MSH5: variants seen among roughly 807,000 people sequenced by gnomAD.
The protein encoded by MSH5 is mutS homolog 5.
A neutral mutation model predicts 107.7 loss-of-function variants in MSH5; 78 were observed. That is an observed-to-expected ratio of 0.72 (90% CI 0.60 to 0.87). The LOEUF is 0.87. MSH5 is among the 40% of genes least tolerant of loss of function. MSH5 has a pLI of 0.00. For missense variants in MSH5, 889 were observed against 1,046.6 expected, an observed-to-expected ratio of 0.85 and a Z score of 2.08; for synonymous variants, 326 against 399.5, an observed-to-expected ratio of 0.82 and a Z score of 2.19.
intron 5 of MSH5, 80 bp downstream of exon 5, chr6:31,743,250 G>A: frequency 1.4e-6 from 2 of 1,436,442 alleles, no homozygotes; most frequent in Non-Finnish European, 2.0e-6. Flanking sequence ...CATCATCACA[G>A]ATCTCCCCTC....
In MSH5 at chr6:31,753,419, G is replaced by A. The variant is rs767954064; in HGVS notation, c.931G>A (p.Gly311Ser). ...GGCTCAGATGCTGCATCGGCTCCTG[G>A]GTCACATCAAGAACGTGCCTGTGAG... ...DMAQMLHRLLGHIKNVPLILK... is the reference protein window; with the variant it reads ...DMAQMLHRLLSHIKNVPLILK... Residue 311 changes from glycine (G) to serine (S), a missense_variant, in exon 11 of 25, where the codon GGT (glycine) becomes AGT (serine). This residue lies in a region of MSH5 where 518 missense variants were observed against 565.0 expected (regional missense o/e 0.92). Coordinates refer to ENST00000375750, the MANE Select transcript of MSH5 (RefSeq NM_172166.4). 12 of 1,614,090 alleles carry A rather than the reference G, an allele frequency of 7.4e-6. No individual in the cohort carries two copies. The highest frequency in any genetic ancestry group is 1.0e-5 in the Non-Finnish European group (12 of 1,179,996).
chr6:31,740,701 C>T lies in MSH5; in HGVS notation c.147+88C>T. On this transcript the variant is annotated intron_variant, in intron 2 of 24. Coordinates refer to ENST00000375750, the MANE Select transcript of MSH5 (RefSeq NM_172166.4). This position sits in a 1 kb window ranked among gnomAD's most constrained non-coding sequence, Gnocchi z 4.4. ...GGGAGCCGGGCGCGGTGGCTCACAC[C>T]TGTAATCTTAGCACTTTGGGAGACT... The T allele has an allele frequency of 1.5e-6, 2 of 1,377,256 alleles. No individual in the cohort carries two copies. The highest frequency in any genetic ancestry group is 1.9e-6 in the Non-Finnish European group (2 of 1,052,394). 85.3% of individuals were successfully genotyped at this position (1,377,256 alleles called of 1,614,324 possible).
chr6:31,741,655 T>C (rs1019611973), intron 3 of MSH5, among the ~76,000 whole-genome samples: 1 of 152,228 alleles, frequency 6.6e-6, no homozygotes, highest in East Asian at 1.9e-4. Flanking sequence ...GTGCTGGGAC[T>C]ACAGGTGTGA....
chr6:31,748,732 C>T (rs1809689932), intron 10 of MSH5, among the ~76,000 whole-genome samples: 1 of 152,062 alleles, frequency 6.6e-6, no homozygotes, highest in African/African-American at 2.4e-5. Flanking sequence ...AGATTAGCAT[C>T]TTAAGCAGTA....
Position 31,762,440 on chromosome 6 carries a change from A to C in MSH5, c.2414A>C (p.Lys805Thr), listed in dbSNP as rs1811104537. Residue 805 changes from lysine to threonine, a missense_variant, in exon 25 of 25, where the codon AAG becomes ACG. This residue lies in a region of MSH5 where 362 missense variants were observed against 456.2 expected (regional missense o/e 0.79). Coordinates refer to ENST00000375750, the MANE Select transcript of MSH5 (RefSeq NM_172166.4). ...QMENCQTLVD[K>T]FMKLDLEDPN... The stretch of plus-strand genomic sequence containing the variant: ...TTCAGTTGCCAGACATTAGTGGATA[A>C]GTTTATGAAACTGGATTTGGAAGAT... 1 of 1,613,676 alleles carries C rather than the reference A, an allele frequency of 6.2e-7. No individual in the cohort carries two copies. Among genetic ancestry groups the C allele is most frequent in the Non-Finnish European group, 8.5e-7 (1 of 1,179,690 alleles).
rs370694021 is a variant in MSH5, at chr6:31,761,154, A to G, written c.1963-34A>G. 468 of 1,606,336 alleles carry G rather than the reference A, an allele frequency of 2.9e-4. No homozygotes were observed. Among genetic ancestry groups the G allele is most frequent in the Non-Finnish European group, 3.7e-4 (440 of 1,175,440 alleles). On this transcript the variant is annotated intron_variant, in intron 20 of 24. Coordinates refer to ENST00000375750, the MANE Select transcript of MSH5 (RefSeq NM_172166.4). This position sits in a 1 kb window ranked among gnomAD's most constrained non-coding sequence, Gnocchi z 5.3. ...GGTCAGTGCGTTACGGGCTTCCAAT[A>G]CTAACTTTCCCTTGTCCACCTTATA...
Position 31,740,575 on chromosome 6 carries a change from G to T in MSH5, c.109G>T (p.Glu37Ter). 2.6e-6 allele frequency: 4 copies of T among 1,513,300 alleles called. No individual in the cohort carries two copies. The highest frequency in any genetic ancestry group is 3.5e-6 in the Non-Finnish European group (4 of 1,133,470). The allele number at this position is 1,513,300 out of a possible 1,614,324, so 93.7% of individuals were successfully genotyped here. Reference sequence around the variant, plus strand: ...CCCAGTGCCGGGCCCCAGGGAGGCCGAGGAGGAGGAAGTCGAGGAGGAGGA... The same window carrying T: ...CCCAGTGCCGGGCCCCAGGGAGGCCTAGGAGGAGGAAGTCGAGGAGGAGGA... ...PAPVPGPREA[E>*]EEEVEEEEEL... is the part of the protein sequence containing the mutation. The change falls in exon 2 of 25, where the codon GAG becomes TAG. Residue 37 changes from glutamate to a stop codon, truncating the protein, a stop_gained. Transcript: ENST00000375750. LOFTEE classifies it high-confidence loss of function. The surrounding 1 kb of genome is among the most constrained non-coding windows in gnomAD (Gnocchi z 4.4).
chr6:31,757,332 G>T (rs1810533924), intron 12 of MSH5: 1 of 152,144 alleles, frequency 6.6e-6, no homozygotes, highest in African/African-American at 2.4e-5. Flanking sequence ...TTTTAGTAGA[G>T]ACAGGGTTTC....
Position 31,741,039 on chromosome 6 carries a change from A to G in MSH5, c.148-124A>G. On this transcript the variant is annotated intron_variant, in intron 2 of 24. Coordinates refer to ENST00000375750, the MANE Select transcript of MSH5 (RefSeq NM_172166.4). ...CCTCCTGAGTGGCTGTTTCACATTC[A>G]CTAAATGGGGGTGATGATGCCTATC... The G allele has an allele frequency of 2.4e-6, 3 of 1,261,098 alleles. No individual in the cohort carries two copies. In the South Asian group the frequency reaches 4.4e-5, roughly 19 times the overall value. 78.1% of individuals were successfully genotyped at this position (1,261,098 alleles called of 1,614,324 possible).
In MSH5 at chr6:31,761,506, G is replaced by A. The variant is rs201166095; in HGVS notation, c.2072G>A (p.Arg691Gln). The change falls in exon 22 of 25, where the codon CGA becomes CAA. Residue 691 changes from arginine (R) to glutamine (Q), a missense_variant. Transcript: ENST00000375750. This position sits in a 1 kb window ranked among gnomAD's most constrained non-coding sequence, Gnocchi z 5.3. The stretch of plus-strand genomic sequence containing the variant: ...CTCGCGCTTCTGGCCGCTGTGCTCC[G>A]ACACTGGCTGGCACGTGGACCCACA... ...DGLALLAAVL[R>Q]HWLARGPTCP... 22 of 1,613,542 alleles carry A rather than the reference G, an allele frequency of 1.4e-5. 1 individual carries two copies. The highest frequency in any genetic ancestry group is 3.3e-5 in the Admixed American group (2 of 60,014).
At chr6:31,747,252 C>G in intron 9 of MSH5, 135 bp from the exon 10 acceptor site, 2 of 855,988 alleles carry the variant, frequency 2.3e-6, no homozygotes, top group South Asian at 3.1e-5. Context: ...GCTTTGGCTG[C>G]CTTTGTGCCC....
At position 31,758,303 on chromosome 6, in the gene MSH5, A is replaced by G; in HGVS notation, c.1143+10A>G. The G allele has an allele frequency of 6.2e-7, 1 of 1,612,526 alleles. No homozygotes were observed. Among genetic ancestry groups the G allele is most frequent in the Non-Finnish European group, 8.5e-7 (1 of 1,179,790 alleles). The stretch of plus-strand genomic sequence containing the variant: ...CCTCATTGGGAAAGTAGTGAGTAGA[A>G]GGAAAAAGGGAGTGCACCCAGGGAG... On this transcript the variant is annotated intron_variant, in intron 13 of 24. Transcript: ENST00000375750. This position sits in a 1 kb window ranked among gnomAD's most constrained non-coding sequence, Gnocchi z 5.1.
At position 31,758,947 on chromosome 6, in the gene MSH5, T is replaced by C; in HGVS notation, c.1326+72T>C. 3 of 1,468,854 alleles carry C rather than the reference T, an allele frequency of 2.0e-6. No homozygotes were observed. Among genetic ancestry groups the C allele is most frequent in the Non-Finnish European group, 2.9e-6 (3 of 1,049,960 alleles). The allele number at this position is 1,468,854 out of a possible 1,614,324, so 91.0% of individuals were successfully genotyped here. A position where few individuals can be genotyped will look rare whatever the true frequency, so the allele number is the denominator to read the frequency against. The stretch of plus-strand genomic sequence containing the variant: ...GATATTAGGCTTATGAAAGACATAC[T>C]GGTAGATAAGAAAACTTGTGGGGCA... On this transcript the variant is annotated intron_variant, in intron 15 of 24. Coordinates refer to ENST00000375750, the MANE Select transcript of MSH5 (RefSeq NM_172166.4). This position sits in a 1 kb window ranked among gnomAD's most constrained non-coding sequence, Gnocchi z 5.1.
chr6:31,761,537 C>T lies in MSH5; in HGVS notation c.2103C>T (p.Pro701=). The change falls in exon 22 of 25, where the codon CCC becomes CCT. Residue 701 remains proline (P), a synonymous_variant. Transcript: ENST00000375750. The surrounding 1 kb of genome is among the most constrained non-coding windows in gnomAD (Gnocchi z 5.3). ...GGCTGGCACGTGGACCCACATGCCC[C>T]CACATCTTTGTGGCCACCAACTTTC... is the stretch of plus-strand genomic sequence containing the variant. The part of the protein sequence containing the change: ...RHWLARGPTC[P]HIFVATNFLS... 6.2e-7 allele frequency: 1 copy of T among 1,613,932 alleles called. No homozygotes were observed. The highest frequency in any genetic ancestry group is 8.5e-7 in the Non-Finnish European group (1 of 1,180,034).
At chr6:31,745,989 A>T (rs1581522089) in intron 9 of MSH5, among the ~76,000 whole-genome samples, 1 of 151,232 alleles carries the variant, frequency 6.6e-6, no homozygotes, top group South Asian at 2.1e-4. Context: ...GATGATCTCG[A>T]TCTCCTGACC....
Position 31,740,174 on chromosome 6 carries a change from G to T in MSH5, c.-14+112G>T. On this transcript the variant is annotated intron_variant, in intron 1 of 24. Transcript: ENST00000375750. This position sits in a 1 kb window ranked among gnomAD's most constrained non-coding sequence, Gnocchi z 4.4. The stretch of plus-strand genomic sequence containing the variant: ...GTTGGCAGAGGCAGAGACATAAGAC[G>T]TGCACGACTCGCCCCACAGGGCCCT... 1 of 339,802 alleles carries T rather than the reference G, an allele frequency of 2.9e-6. No homozygotes were observed. Among genetic ancestry groups the T allele is most frequent in the East Asian group, 5.0e-5 (1 of 20,088 alleles). The allele number at this position is 339,802 out of a possible 1,614,324, so 21.0% of individuals were successfully genotyped here.
At chr6:31,751,565 G>A (rs1031631357) in intron 10 of MSH5, 1 of 152,206 alleles carries the variant, frequency 6.6e-6, no homozygotes, top group Non-Finnish European at 1.5e-5. Context: ...GAACCTGGGA[G>A]GCGGAGGTTG....
chr6:31,749,850 CAG>C (rs1160828549), intron 10 of MSH5, among the ~76,000 whole-genome samples: 2 of 152,192 alleles, frequency 1.3e-5, no homozygotes, highest in Non-Finnish European at 2.9e-5. Flanking sequence ...CATCTCTAAA[CAG>C]AGTGGAAACC....
At chr6:31,746,980 C>T (rs565230193) in intron 9 of MSH5, among the ~76,000 whole-genome samples, 7 of 152,144 alleles carry the variant, frequency 4.6e-5, no homozygotes, top group African/African-American at 1.2e-4. Context: ...CCACCATGCC[C>T]GGCTAATTTT....
Sources: gnomAD v4.1 joint callset for allele counts (sites outside exome capture counted in the v4.1 genomes callset) on GRCh38, gnomAD v4.1.1 for gene constraint, gnomAD v4.1.1 regional missense constraint, Gnocchi (gnomAD v3.1) non-coding constraint, MANE v1.5 for transcripts, NCBI Gene and HGNC (gene_info 2026-07-23, HGNC 2026-07-21) for gene names.